The following SMPD2 variants were observed in gnomAD, a reference collection of about 807,000 sequenced individuals.
The protein encoded by SMPD2 is N-SMase.
A neutral mutation model predicts 41.7 loss-of-function variants in SMPD2; 35 were observed. That is an observed-to-expected ratio of 0.84 (90% CI 0.64 to 1.11). The LOEUF is 1.11. Among genes scored for constraint, SMPD2 ranks in the 50% most tolerant of loss-of-function variants. The pLI is 0.00. For missense variants in SMPD2, 520 were observed against 524.8 expected (o/e 0.99, Z 0.09); for synonymous variants, 201 against 208.2 (o/e 0.97, Z 0.30).
chr6:109,441,332 C>T (rs751587396), intron 1 of SMPD2, 25 bp from the exon 2 acceptor site: 2 of 1,607,954 alleles, frequency 1.2e-6, no homozygotes, highest in Non-Finnish European at 1.7e-6. Flanking sequence ...AGTCGCCTCC[C>T]CTGCCCCGCT....
chr6:109,442,560 T>C lies in SMPD2; in HGVS notation c.426T>C (p.Asn142=). 6.2e-7 allele frequency: 1 copy of C among 1,613,434 alleles called. No individual in the cohort carries two copies. The highest frequency in any genetic ancestry group is 8.5e-7 in the Non-Finnish European group (1 of 1,179,568). ...TTGCTCAGCTCCATGCCGAATACAA[T>C]CGACAGAAGGACATCTACCTAGCAC... ...AYVTHLHAEY[N]RQKDIYLAHR... is the part of the protein sequence containing the mutation. The change falls in exon 6 of 10, where the codon AAT becomes AAC. Residue 142 remains asparagine, a synonymous_variant. Transcript: ENST00000258052.
chr6:109,442,711 G>A (rs1242495382), intron 6 of SMPD2, 41 bp from the exon 7 acceptor site: 1 of 1,613,218 alleles, frequency 6.2e-7, no homozygotes, highest in Non-Finnish European at 8.5e-7. Flanking sequence ...GGAAGAGCTG[G>A]TGATGGAAGA....
chr6:109,442,574 T>C lies in SMPD2; in HGVS notation c.440T>C (p.Ile147Thr), dbSNP rs1562282614. ...LHAEYNRQKDIYLAHRVAQAW... is the reference protein window; with the variant it reads ...LHAEYNRQKDTYLAHRVAQAW... ...GCCGAATACAATCGACAGAAGGACA[T>C]CTACCTAGCACATCGTGTGGCCCAA... The change falls in exon 6 of 10, where the codon ATC (isoleucine) becomes ACC (threonine). Residue 147 changes from isoleucine (I) to threonine (T), a missense_variant. Physicochemically the swap from Ile to Thr is moderately conservative, Grantham distance 89. Coordinates refer to ENST00000258052, the MANE Select transcript of SMPD2 (RefSeq NM_003080.3). The C allele has an allele frequency of 6.2e-7, 1 of 1,614,016 alleles. No homozygotes were observed. The highest frequency in any genetic ancestry group is 8.5e-7 in the Non-Finnish European group (1 of 1,179,954).
intron 8 of SMPD2, 48 bp downstream of exon 8, chr6:109,443,129 C>T: frequency 1.3e-6 from 2 of 1,560,694 alleles, no homozygotes; most frequent in South Asian, 1.1e-5. Flanking sequence ...GTCTCTTTGT[C>T]TACTAACCTG....
intron 3 of SMPD2, 37 bp downstream of exon 3, chr6:109,441,665 C>G: frequency 6.3e-7 from 1 of 1,598,292 alleles, no homozygotes; most frequent in Non-Finnish European, 8.6e-7. Flanking sequence ...GTTGTCATCC[C>G]AGGAGGCTCT....
Position 109,442,299 on chromosome 6 carries a change from T to C in SMPD2, c.408T>C (p.His136=). The C allele has an allele frequency of 6.2e-7, 1 of 1,613,802 alleles. No individual in the cohort carries two copies. Among genetic ancestry groups the C allele is most frequent in the South Asian group, 1.1e-5 (1 of 91,076 alleles). Residue 136 remains histidine (H), a splice_region_variant and synonymous_variant, in exon 5 of 10, where the codon CAT becomes CAC. Coordinates refer to ENST00000258052, the MANE Select transcript of SMPD2 (RefSeq NM_003080.3). ...SGMVLNAYVT[H]LHAEYNRQKD... ...TGGTGCTCAACGCCTATGTGACCCATGTGAGTGAAGCTGGCAGTGCCTAGG... is the reference window on the plus strand; with the variant it reads ...TGGTGCTCAACGCCTATGTGACCCACGTGAGTGAAGCTGGCAGTGCCTAGG...
rs1353284947 is a variant in SMPD2 at position 109,442,957 on chromosome 6, TGA to T, written c.625-18_625-17del. The T allele has an allele frequency of 6.2e-7, 1 of 1,612,616 alleles. No homozygotes were observed. Among genetic ancestry groups the T allele is most frequent in the Non-Finnish European group, 8.5e-7 (1 of 1,178,714 alleles). ...CCTCCTTCTCCCCCACATCCTAGCA[TGA>T]GCCAATGATTCCCTTAGGGCTCTGA... On this transcript the variant is annotated intron_variant, in intron 7 of 9. Transcript: ENST00000258052.
In SMPD2 at chr6:109,443,769, T is replaced by C; in HGVS notation, c.1136T>C (p.Val379Ala). The C allele has an allele frequency of 6.2e-7, 1 of 1,613,968 alleles. No homozygotes were observed. Among genetic ancestry groups the C allele is most frequent in the African/African-American group, 1.3e-5 (1 of 74,960 alleles). The change falls in exon 10 of 10, where the codon GTC becomes GCC. Residue 379 changes from valine (V) to alanine (A), a missense_variant. Coordinates refer to ENST00000258052, the MANE Select transcript of SMPD2 (RefSeq NM_003080.3). The stretch of plus-strand genomic sequence containing the variant: ...TTCTACCTCTTCCACGTACAGGAGG[T>C]CAATGGCTTATATAGGGCCCAGGCT... ...GAFYLFHVQE[V>A]NGLYRAQAEL... is the part of the protein sequence containing the mutation.
Position 109,441,073 on chromosome 6 carries a change from C to T in SMPD2, c.-49C>T. ...CCGGCCGCCCCCGTCCCCACCGCGGCCGTCGCTGGAGAGTTCGAGCCGCCT... is the reference window on the plus strand; with the variant it reads ...CCGGCCGCCCCCGTCCCCACCGCGGTCGTCGCTGGAGAGTTCGAGCCGCCT... On this transcript the variant is annotated 5_prime_UTR_variant, in exon 1 of 10. Transcript: ENST00000258052. 1.2e-6 allele frequency: 2 copies of T among 1,603,756 alleles called. 1 individual carries two copies.
At chr6:109,441,274 C>T in intron 1 of SMPD2, 83 bp from the exon 2 acceptor site, 1 of 1,587,442 alleles carries the variant, frequency 6.3e-7, no homozygotes, top group Non-Finnish European at 8.6e-7. Context: ...GTAGGGAAAA[C>T]CCGAACCTCC....
At position 109,443,085 on chromosome 6, in the gene SMPD2, A is replaced by G; in HGVS notation, c.729+4A>G. 6.2e-7 allele frequency: 1 copy of G among 1,610,886 alleles called. No homozygotes were observed. The highest frequency in any genetic ancestry group is 8.5e-7 in the Non-Finnish European group (1 of 1,177,056). On this transcript the variant is annotated splice_donor_region_variant and intron_variant, in intron 8 of 9. Transcript: ENST00000258052. ...CATTGACTACGTGCTTTACAAGGTC[A>G]GGCTCCTCCCTTCAACATGCTTTCA... is the stretch of plus-strand genomic sequence containing the variant.
At chr6:109,442,520 G>C in intron 5 of SMPD2, 23 bp from the exon 6 acceptor site, 4 of 1,596,106 alleles carry the variant, frequency 2.5e-6, no homozygotes, top group Non-Finnish European at 3.4e-6. Flanking sequence ...CTTATCTGCT[G>C]TGATCTCATC....
intron 3 of SMPD2, 76 bp downstream of exon 3, chr6:109,441,704 C>G: frequency 7.5e-7 from 1 of 1,336,948 alleles, no homozygotes; most frequent in Non-Finnish European, 1.1e-6. Flanking sequence ...CCTATCCTGC[C>G]TGCACTCTCC....
At chr6:109,441,267 G>A in intron 1 of SMPD2, 90 bp from the exon 2 acceptor site, 1 of 1,592,720 alleles carries the variant, frequency 6.3e-7, no homozygotes, top group Non-Finnish European at 8.6e-7. Flanking sequence ...TCAGGGTGTA[G>A]GGAAAACCCG....
Position 109,442,951 on chromosome 6 carries a change from C to G in SMPD2, c.625-26C>G, listed in dbSNP as rs374116426. 1.9e-5 allele frequency: 31 copies of G among 1,612,048 alleles called. No individual in the cohort carries two copies. In the African/African-American group the frequency reaches 3.6e-4, roughly 19 times the overall value. ...TCTCTCCCTCCTTCTCCCCCACATC[C>G]TAGCATGAGCCAATGATTCCCTTAG... On this transcript the variant is annotated intron_variant, in intron 7 of 9. Coordinates refer to ENST00000258052, the MANE Select transcript of SMPD2 (RefSeq NM_003080.3).
rs1185897806 is a variant in SMPD2 at position 109,441,433 on chromosome 6, G to C, written c.127G>C (p.Asp43His). Reference protein sequence around the residue: ...LGDFLNQESFDLALLEEVWSE... With the variant: ...LGDFLNQESFHLALLEEVWSE... ...AGACTTTCTGAACCAGGAGAGCTTC[G>C]ACCTGGCTTTGCTGGAGGAGGTGAG... is the stretch of plus-strand genomic sequence containing the variant. The change falls in exon 2 of 10, where the codon GAC (aspartate) becomes CAC (histidine). Residue 43 changes from aspartate (D) to histidine (H), a missense_variant. Coordinates refer to ENST00000258052, the MANE Select transcript of SMPD2 (RefSeq NM_003080.3). 1.9e-6 allele frequency: 3 copies of C among 1,614,142 alleles called. No homozygotes were observed. Among genetic ancestry groups the C allele is most frequent in the South Asian group, 2.2e-5 (2 of 91,084 alleles).
intron 1 of SMPD2, 82 bp from the exon 2 acceptor site, chr6:109,441,275 C>A (rs530279782): frequency 6.3e-7 from 1 of 1,588,122 alleles, no homozygotes; most frequent in Admixed American, 1.7e-5. Context: ...TAGGGAAAAC[C>A]CGAACCTCCA....
At chr6:109,443,116 T>C in intron 8 of SMPD2, 35 bp downstream of exon 8, 1 of 1,572,578 alleles carries the variant, frequency 6.4e-7, no homozygotes, top group South Asian at 1.1e-5. Flanking sequence ...TTTCATATGC[T>C]GTGTCTCTTT....
rs1330584838 is a variant in SMPD2 at position 109,441,470 on chromosome 6, C to T, written c.147+17C>T. 2 of 1,611,958 alleles carry T rather than the reference C, an allele frequency of 1.2e-6. No homozygotes were observed. Among genetic ancestry groups the T allele is most frequent in the Non-Finnish European group, 1.7e-6 (2 of 1,178,086 alleles). On this transcript the variant is annotated intron_variant, in intron 2 of 9. Transcript: ENST00000258052. ...CTGGAGGAGGTGAGATTGTGCAGCACGGTGCGGAACCCAGGCTGGGAGGAG... is the reference window on the plus strand; with the variant it reads ...CTGGAGGAGGTGAGATTGTGCAGCATGGTGCGGAACCCAGGCTGGGAGGAG...
Sources: allele counts gnomAD v4.1 joint callset, GRCh38; gene constraint gnomAD v4.1.1; transcripts MANE v1.5; gene names NCBI Gene and HGNC (gene_info 2026-07-23, HGNC 2026-07-21).